SEL1L3: variants seen among roughly 807,000 people sequenced by gnomAD.
SEL1L3 encodes the protein protein sel-1 homolog 3.
Under a neutral mutation model 142.8 loss-of-function variants are expected in SEL1L3, and 76 were observed. The observed-to-expected ratio is 0.53, with a 90% CI of 0.44 to 0.64. The LOEUF is 0.64. Among genes scored for constraint, SEL1L3 ranks in the 30% least tolerant of loss-of-function variants. The pLI is 0.00. For missense variants in SEL1L3, 1,262 were observed against 1,381.7 expected, an observed-to-expected ratio of 0.91 and a Z score of 1.37; for synonymous variants, 504 against 519.6, an observed-to-expected ratio of 0.97 and a Z score of 0.41.
chr4:25,803,921 A>G (rs576549070), intron 10 of SEL1L3, among the ~76,000 whole-genome samples: 1 of 152,204 alleles, frequency 6.6e-6, no homozygotes, highest in South Asian at 2.1e-4. Flanking sequence ...TGCAGACGGC[A>G]GACTGTGGGA....
At chr4:25,808,854 G>A (rs866951494) in intron 9 of SEL1L3, among the ~76,000 whole-genome samples, 1 of 152,290 alleles carries the variant, frequency 6.6e-6, no homozygotes, top group Non-Finnish European at 1.5e-5. Context: ...CAGATCACGA[G>A]GTCAGGAAAT....
At chr4:25,773,827 T>C (rs961995645) in intron 17 of SEL1L3, among the ~76,000 whole-genome samples, 2 of 152,184 alleles carry the variant, frequency 1.3e-5, no homozygotes, top group Non-Finnish European at 2.9e-5. Flanking sequence ...CTTTTGTTCC[T>C]GCAATTCCCT....
At chr4:25,850,760 T>G (rs911886707) in intron 1 of SEL1L3, among the ~76,000 whole-genome samples, 94 of 152,282 alleles carry the variant, frequency 6.2e-4, no homozygotes, top group African/African-American at 2.0e-3. Flanking sequence ...AGGAGGAAGC[T>G]CTTCACGTAC....
the SEL1L3 span, among the ~76,000 whole-genome samples, chr4:25,723,672 T>C: frequency 6.6e-6 from 1 of 151,958 alleles, no homozygotes; most frequent in Non-Finnish European, 1.5e-5. Flanking sequence ...CAGAAGAGGG[T>C]TTGTAAATAA....
At chr4:25,744,563 A>T (rs1023299413), downstream of SEL1L3, among the ~76,000 whole-genome samples, 2 of 152,092 alleles carry the variant, frequency 1.3e-5, no homozygotes, top group Non-Finnish European at 2.9e-5. Flanking sequence ...CACGTTGGCC[A>T]GGCTGGTCTC....
chr4:25,742,370 G>A, the SEL1L3 span, among the ~76,000 whole-genome samples: 2 of 152,200 alleles, frequency 1.3e-5, no homozygotes, highest in African/African-American at 4.8e-5. Context: ...AGTTTTTGTA[G>A]AGATGGGGTT....
At chr4:25,830,224 G>T in intron 5 of SEL1L3, 68 bp from the exon 6 acceptor site, 1 of 988,384 alleles carries the variant, frequency 1.0e-6, no homozygotes, top group Non-Finnish European at 1.6e-6. Context: ...GCAGTCCTTT[G>T]TGTAAATTAC....
chr4:25,771,738 A>G (rs1719219222), intron 17 of SEL1L3, among the ~76,000 whole-genome samples: 1 of 152,196 alleles, frequency 6.6e-6, no homozygotes, highest in African/African-American at 2.4e-5. Context: ...ACAAAGGACA[A>G]TAAAACATGT....
chr4:25,729,754 T>C, the SEL1L3 span, among the ~76,000 whole-genome samples: 2 of 152,052 alleles, frequency 1.3e-5, no homozygotes, highest in Admixed American at 6.6e-5. Flanking sequence ...AGCCAACCCA[T>C]TTAGCATAAA....
chr4:25,831,262 C>T (rs1056044454), intron 5 of SEL1L3, among the ~76,000 whole-genome samples: 4 of 151,880 alleles, frequency 2.6e-5, no homozygotes, highest in Non-Finnish European at 4.4e-5. Flanking sequence ...CTCCTAAATA[C>T]GTATTTTCCC....
At chr4:25,861,652 T>G (rs191676569) in intron 1 of SEL1L3, among the ~76,000 whole-genome samples, 1 of 148,272 alleles carries the variant, frequency 6.7e-6, no homozygotes, top group Non-Finnish European at 1.5e-5. Flanking sequence ...TTTTTTGGCA[T>G]TCTGTGAATT....
the SEL1L3 span, among the ~76,000 whole-genome samples, chr4:25,716,161 T>G: frequency 6.6e-6 from 1 of 151,416 alleles, no homozygotes; most frequent in Non-Finnish European, 1.5e-5. Flanking sequence ...GTATCCAGAG[T>G]TCCAAATCAA....
At chr4:25,743,047 AG>A (rs1371328126), downstream of SEL1L3, among the ~76,000 whole-genome samples, 1 of 152,200 alleles carries the variant, frequency 6.6e-6, no homozygotes, top group Non-Finnish European at 1.5e-5. Flanking sequence ...CTAGGTGTAA[AG>A]CAATAGGGAA....
At chr4:25,741,646 T>C in the SEL1L3 span, among the ~76,000 whole-genome samples, 1 of 152,168 alleles carries the variant, frequency 6.6e-6, no homozygotes, top group Non-Finnish European at 1.5e-5. Flanking sequence ...TGTGGGATGT[T>C]GCAAATCTCA....
the SEL1L3 span, among the ~76,000 whole-genome samples, chr4:25,738,477 A>C: frequency 6.6e-6 from 1 of 152,152 alleles, no homozygotes; most frequent in Non-Finnish European, 1.5e-5. Flanking sequence ...GCTTTCATAC[A>C]TCTCATTAAA....
downstream of SEL1L3, among the ~76,000 whole-genome samples, chr4:25,742,942 C>G (rs1717161708): frequency 6.6e-6 from 1 of 152,102 alleles, no homozygotes; most frequent in African/African-American, 2.4e-5. Flanking sequence ...GGAGATCTCT[C>G]TCAGACTTGT....
the SEL1L3 span, among the ~76,000 whole-genome samples, chr4:25,723,741 T>G: frequency 6.6e-6 from 1 of 152,172 alleles, no homozygotes; most frequent in Non-Finnish European, 1.5e-5. Context: ...CTGCTGGTCC[T>G]CACAGCTCTG....
At chr4:25,775,792 C>T (rs1298795970) in intron 17 of SEL1L3, among the ~76,000 whole-genome samples, 5 of 152,186 alleles carry the variant, frequency 3.3e-5, no homozygotes. Flanking sequence ...GGATACTGGA[C>T]TTCCAACAAT....
chr4:25,751,635 T>C (rs967571391), intron 23 of SEL1L3, among the ~76,000 whole-genome samples: 2 of 149,876 alleles, frequency 1.3e-5, no homozygotes, highest in Non-Finnish European at 3.0e-5. Context: ...AATACATATA[T>C]TTATATGTAT....
Sources: allele counts gnomAD v4.1 joint callset (sites outside exome capture counted in the v4.1 genomes callset), GRCh38; gene constraint gnomAD v4.1.1; transcripts MANE v1.5; gene names NCBI Gene and HGNC (gene_info 2026-07-23, HGNC 2026-07-21).